Variants in PTPRA observed in about 807,000 individuals in gnomAD.
PTPRA encodes the protein receptor-type tyrosine-protein phosphatase alpha.
In PTPRA, 25 loss-of-function variants were observed where a neutral mutation model predicts 104.8. The ratio of observed to expected loss-of-function variants is 0.24; its 90% confidence interval spans 0.17 to 0.33. The LOEUF is 0.33. PTPRA is among the 10% of genes least tolerant of loss of function. The probability of loss-of-function intolerance (pLI) is 1.00; values close to 1 mark genes in which losing one functional copy is unlikely to be tolerated. For synonymous variants in PTPRA, 323 were observed against 368.9 expected, an observed-to-expected ratio of 0.88 and a Z score of 1.43; for missense variants, 765 against 1,015.3, an observed-to-expected ratio of 0.75 and a Z score of 3.35.
intron 2 of PTPRA, among the ~76,000 whole-genome samples, chr20:2,940,001 T>G (rs1186642581): frequency 6.6e-6 from 1 of 152,208 alleles, no homozygotes; most frequent in African/African-American, 2.4e-5. Flanking sequence ...TCCCAGCTAC[T>G]TGGGAGGCTC....
chr20:2,886,669 A>AC (rs1433655941), intron 1 of PTPRA, among the ~76,000 whole-genome samples: 3 of 144,968 alleles, frequency 2.1e-5, no homozygotes, highest in South Asian at 2.4e-4. Flanking sequence ...ACATGGAGAA[A>AC]CCCCCGTCTC....
chr20:2,977,660 G>A (rs747401355), intron 6 of PTPRA, among the ~76,000 whole-genome samples: 5 of 151,434 alleles, frequency 3.3e-5, no homozygotes, highest in South Asian at 4.2e-4. Flanking sequence ...AAAAAAGGGC[G>A]GGGATTATCA....
chr20:3,000,148 TGTG>T (rs1429129523), intron 9 of PTPRA, among the ~76,000 whole-genome samples: 1 of 151,504 alleles, frequency 6.6e-6, no homozygotes, highest in Non-Finnish European at 1.5e-5. Context: ...ATTAGCCAGG[TGTG>T]GTGGCGGGCG....
intron 1 of PTPRA, among the ~76,000 whole-genome samples, chr20:2,902,096 G>A (rs1402472264): frequency 6.6e-6 from 1 of 152,020 alleles, no homozygotes; most frequent in Non-Finnish European, 1.5e-5. Context: ...TGTTGGTCAG[G>A]CTGGTCTCGA....
chr20:2,987,464 G>A (rs74893620), intron 7 of PTPRA, among the ~76,000 whole-genome samples: 2,335 of 152,172 alleles, frequency 0.015, 123 homozygotes, highest in Admixed American at 0.09. Context: ...CTACTGCCCT[G>A]ACTAATTGGA....
At chr20:3,013,556 G>A (rs558230991) in intron 11 of PTPRA, among the ~76,000 whole-genome samples, 1 of 152,042 alleles carries the variant, frequency 6.6e-6, no homozygotes, top group East Asian at 1.9e-4. Flanking sequence ...GAGATTACAG[G>A]CATGCACCAC....
chr20:2,865,079 GCCT>G, the PTPRA span: 1 of 1,614,168 alleles, frequency 6.2e-7, no homozygotes. This position sits in a 1 kb window ranked among gnomAD's most constrained non-coding sequence, Gnocchi z 5.2. Context: ...TTTTCCAAGA[GCCT>G]CCTCGTCTCC....
chr20:3,017,740 G>T, intron 12 of PTPRA, 76 bp from the exon 13 acceptor site: 1 of 1,308,594 alleles, frequency 7.6e-7, no homozygotes, highest in South Asian at 1.2e-5. Context: ...CAAAAGTCAG[G>T]AATGGATGTT....
chr20:2,973,909 T>C (rs1035600464), intron 5 of PTPRA, among the ~76,000 whole-genome samples: 1 of 152,046 alleles, frequency 6.6e-6, no homozygotes, highest in Admixed American at 6.6e-5. Context: ...TCGTCATTGT[T>C]ATTTTTAAGG....
At chr20:2,927,666 G>A (rs1466871698) in intron 2 of PTPRA, among the ~76,000 whole-genome samples, 1 of 152,166 alleles carries the variant, frequency 6.6e-6, no homozygotes, top group Non-Finnish European at 1.5e-5. Context: ...AGGGGAGGTT[G>A]GGTCCACTGA....
At chr20:2,926,245 T>A (rs1483867319) in intron 2 of PTPRA, among the ~76,000 whole-genome samples, 1 of 152,200 alleles carries the variant, frequency 6.6e-6, no homozygotes, top group Non-Finnish European at 1.5e-5. Context: ...GTAACAAAAC[T>A]CCATGAACTG....
intron 5 of PTPRA, among the ~76,000 whole-genome samples, chr20:2,971,803 T>C (rs1317604702): frequency 6.6e-6 from 1 of 152,184 alleles, no homozygotes; most frequent in East Asian, 1.9e-4. Context: ...TTTTCTCTTT[T>C]GGTCTGTTTC....
Position 3,037,985 on chromosome 20 carries a change from T to C in PTPRA, c.2335-74T>C. On this transcript the variant is annotated intron_variant, in intron 23 of 23. Transcript: ENST00000399903. This position sits in a 1 kb window ranked among gnomAD's most constrained non-coding sequence, Gnocchi z 4.3. ...TGATTTTCCATCTTCAACAAAAAAA[T>C]GAGTCTGTTAGGAATTACAGGTACT... 1 of 1,270,286 alleles carries C rather than the reference T, an allele frequency of 7.9e-7. No homozygotes were observed. The highest frequency in any genetic ancestry group is 1.1e-6 in the Non-Finnish European group (1 of 886,188). The allele number at this position is 1,270,286 out of a possible 1,614,324, so 78.7% of individuals were successfully genotyped here. A position where few individuals can be genotyped will look rare whatever the true frequency, so the allele number is the denominator to read the frequency against.
intron 2 of PTPRA, among the ~76,000 whole-genome samples, chr20:2,925,519 G>C (rs887107565): frequency 3.9e-5 from 6 of 152,038 alleles, no homozygotes; most frequent in Non-Finnish European, 7.4e-5. Context: ...ATGGTGCTAT[G>C]AACATGGGTG....
rs377260441 is a variant in PTPRA, at chr20:3,026,759, C to T, written c.1687C>T (p.Arg563Cys). ...GNLPANMKKN[R>C]VLQIIPYEFN... ...CCTTCCAGCCAACATGAAGAAGAACCGTGTTTTACAGATCATTCCATGTAA... is the reference window on the plus strand; with the variant it reads ...CCTTCCAGCCAACATGAAGAAGAACTGTGTTTTACAGATCATTCCATGTAA... Residue 563 changes from arginine to cysteine, a missense_variant, in exon 18 of 24, where the codon CGT (arginine) becomes TGT (cysteine). By Grantham distance (180) the Arg-to-Cys change is radical. Around this residue, in one of 4 missense-constraint regions of PTPRA, gnomAD observed 192 missense variants for 227.0 expected, o/e 0.85. Transcript: ENST00000399903. The T allele has an allele frequency of 4.2e-5, 68 of 1,611,634 alleles. No homozygotes were observed. The highest frequency in any genetic ancestry group is 5.3e-5 in the Non-Finnish European group (62 of 1,178,044).
In PTPRA at chr20:3,032,159, C is replaced by T. The variant is rs118147811; in HGVS notation, c.1921-3426C>T. 1.5e-3 allele frequency among the ~76,000 whole-genome samples: 230 copies of T among 152,308 alleles called. 2 individuals are homozygous for T. In the East Asian group the frequency reaches 0.032, roughly 22 times the overall value. On this transcript the variant is annotated intron_variant, in intron 20 of 23. Coordinates refer to ENST00000399903, the MANE Select transcript of PTPRA (RefSeq NM_001385305.1). The stretch of plus-strand genomic sequence containing the variant: ...ACAAGAACACTGTCATCCTCCCACC[C>T]CCAAACAACCAGCCTCTTCAAATCT...
At chr20:2,890,449 A>T (rs2058751927) in intron 1 of PTPRA, among the ~76,000 whole-genome samples, 1 of 152,162 alleles carries the variant, frequency 6.6e-6, no homozygotes, top group South Asian at 2.1e-4. Flanking sequence ...TGTTTTAAGC[A>T]TTAGATAGTG....
At chr20:2,951,521 A>G (rs2061354095) in intron 3 of PTPRA, among the ~76,000 whole-genome samples, 2 of 152,136 alleles carry the variant, frequency 1.3e-5, no homozygotes. Flanking sequence ...CTCTGCTACA[A>G]TCCACCTGCC....
At chr20:2,914,513 A>G (rs953998676) in intron 1 of PTPRA, among the ~76,000 whole-genome samples, 2 of 151,660 alleles carry the variant, frequency 1.3e-5, no homozygotes, top group African/African-American at 4.8e-5. Context: ...TAGTACCTCA[A>G]CACCTCAGAG....
Sources: gnomAD v4.1 joint callset for allele counts (sites outside exome capture counted in the v4.1 genomes callset) on GRCh38, gnomAD v4.1.1 for gene constraint, gnomAD v4.1.1 regional missense constraint, Gnocchi (gnomAD v3.1) non-coding constraint, MANE v1.5 for transcripts, NCBI Gene and HGNC (gene_info 2026-07-23, HGNC 2026-07-21) for gene names.